The following NRXN1 variants were observed in gnomAD, a reference collection of about 807,000 sequenced individuals.
NRXN1 encodes the protein neurexin-1.
NRXN1 carries 39 observed loss-of-function variants against 150.9 expected under a neutral mutation model. The observed-to-expected ratio is 0.26, with a 90% confidence interval of 0.20 to 0.34. The LOEUF is 0.34. Among genes scored for constraint, NRXN1 ranks in the 10% least tolerant of loss-of-function variants. The pLI is 1.00. For missense variants in NRXN1, 1,815 were observed against 1,949.9 expected (o/e 0.93, Z 1.30); for synonymous variants, 924 against 757.0 (o/e 1.22, Z -3.62).
At chr2:50,344,248 T>A (rs1350796388) in intron 17 of NRXN1, among the ~76,000 whole-genome samples, 3 of 152,196 alleles carry the variant, frequency 2.0e-5, no homozygotes, top group African/African-American at 7.2e-5. Flanking sequence ...GGCTTATTTT[T>A]TATCCTAATG....
At chr2:49,947,142 C>A (rs889545728) in intron 21 of NRXN1, among the ~76,000 whole-genome samples, 1 of 152,098 alleles carries the variant, frequency 6.6e-6, no homozygotes, top group African/African-American at 2.4e-5. Context: ...CCCGGACCAA[C>A]ATCTAGCGGA....
intron 18 of NRXN1, among the ~76,000 whole-genome samples, chr2:50,115,240 T>TATATAC (rs1270800103): frequency 2.5e-3 from 337 of 133,942 alleles, no homozygotes; most frequent in Middle Eastern, 7.9e-3. Flanking sequence ...TATATATATA[T>TATATAC]ACACACACAC....
chr2:50,530,078 T>C (rs1186789143), intron 11 of NRXN1, among the ~76,000 whole-genome samples: 1 of 152,160 alleles, frequency 6.6e-6, no homozygotes, highest in Non-Finnish European at 1.5e-5. Context: ...AAATTTCATT[T>C]TTCCCTCTCT....
chr2:50,386,119 A>G (rs2081310524), intron 17 of NRXN1, among the ~76,000 whole-genome samples: 1 of 152,080 alleles, frequency 6.6e-6, no homozygotes, highest in Non-Finnish European at 1.5e-5. Flanking sequence ...ATGCTATAGT[A>G]CTTTGATAAG....
At chr2:50,371,200 C>A (rs1392542858) in intron 17 of NRXN1, among the ~76,000 whole-genome samples, 1 of 151,996 alleles carries the variant, frequency 6.6e-6, no homozygotes, top group East Asian at 1.9e-4. Context: ...TTAACTTCCA[C>A]TGAGGTCTAA....
chr2:50,033,310 A>C (rs1689464914), intron 21 of NRXN1, among the ~76,000 whole-genome samples: 2 of 152,134 alleles, frequency 1.3e-5, no homozygotes. Flanking sequence ...CAGAGAGCCC[A>C]GAAATAAGGC....
At chr2:50,558,712 C>T (rs1668602054) in intron 8 of NRXN1, among the ~76,000 whole-genome samples, 1 of 152,148 alleles carries the variant, frequency 6.6e-6, no homozygotes. Context: ...TGCTTTAATG[C>T]TGATTTTTGT....
intron 17 of NRXN1, among the ~76,000 whole-genome samples, chr2:50,252,892 A>G (rs2067298730): frequency 6.6e-6 from 1 of 152,188 alleles, no homozygotes; most frequent in African/African-American, 2.4e-5. Context: ...TTAGCTATAC[A>G]GATTCTTTTT....
intron 2 of NRXN1, among the ~76,000 whole-genome samples, chr2:50,958,786 A>G (rs1025884674): frequency 3.3e-5 from 5 of 152,126 alleles, no homozygotes; most frequent in Non-Finnish European, 5.9e-5. Flanking sequence ...TTTAACGGGA[A>G]TGCAGTCAGC....
chr2:50,052,270 T>G (rs1323110029), intron 21 of NRXN1, among the ~76,000 whole-genome samples: 1 of 152,090 alleles, frequency 6.6e-6, no homozygotes. Context: ...GTAGGGATCG[T>G]GTATTTGGAA....
At chr2:50,923,194 T>C (rs1036077937) in intron 3 of NRXN1, among the ~76,000 whole-genome samples, 1 of 151,896 alleles carries the variant, frequency 6.6e-6, no homozygotes, top group Non-Finnish European at 1.5e-5. Flanking sequence ...GAAATGATAA[T>C]GCAGAAATGT....
chr2:50,670,191 A>T (rs1472219051), intron 5 of NRXN1, among the ~76,000 whole-genome samples: 1 of 151,896 alleles, frequency 6.6e-6, no homozygotes, highest in African/African-American at 2.4e-5. Context: ...ATATTCCTAA[A>T]GATTAGTTCA....
At chr2:50,792,191 A>G (rs144293950) in intron 5 of NRXN1, among the ~76,000 whole-genome samples, 305 of 152,324 alleles carry the variant, frequency 2.0e-3, no homozygotes, top group African/African-American at 7.1e-3. Flanking sequence ...AGAATTATGT[A>G]CGAGAAAACT....
intron 5 of NRXN1, chr2:50,624,658 T>C (rs114565238): frequency 4.6e-5 from 7 of 152,086 alleles, no homozygotes; most frequent in Admixed American, 1.3e-4. Context: ...GAAAGTCTAA[T>C]GGAGTCAGCT....
chr2:50,627,519 A>G (rs1681368625), intron 5 of NRXN1, among the ~76,000 whole-genome samples: 1 of 151,366 alleles, frequency 6.6e-6, no homozygotes, highest in South Asian at 2.1e-4. Context: ...GAAAAATGAA[A>G]TTGGATCTTT....
chr2:50,654,147 A>T (rs1230353708), intron 5 of NRXN1, among the ~76,000 whole-genome samples: 4 of 145,738 alleles, frequency 2.7e-5, no homozygotes, highest in African/African-American at 1.0e-4. Context: ...GTCATTTAAC[A>T]TTAGGTATAT....
At chr2:50,054,881 A>C (rs1265680527) in intron 20 of NRXN1, 74 bp downstream of exon 20, 1 of 906,818 alleles carries the variant, frequency 1.1e-6, no homozygotes, top group Non-Finnish European at 1.6e-6. Flanking sequence ...TATGTTTATT[A>C]GTGTTACAAT....
intron 17 of NRXN1, among the ~76,000 whole-genome samples, chr2:50,337,881 G>C (rs1461715445): frequency 2.0e-5 from 3 of 152,178 alleles, no homozygotes; most frequent in Non-Finnish European, 4.4e-5. Context: ...ATAGACTGTT[G>C]TTGTATAGTC....
At chr2:50,424,141 G>GAGA (rs2084254161) in intron 17 of NRXN1, among the ~76,000 whole-genome samples, 2 of 124,178 alleles carry the variant, frequency 1.6e-5, no homozygotes, top group Admixed American at 1.6e-4. Context: ...GGAGGAGGAG[G>GAGA]AGGGGGGGAG....
Sources: gnomAD v4.1 joint callset for allele counts (sites outside exome capture counted in the v4.1 genomes callset) on GRCh38, gnomAD v4.1.1 for gene constraint, MANE v1.5 for transcripts, NCBI Gene and HGNC (gene_info 2026-07-23, HGNC 2026-07-21) for gene names.